DOCK4: variants seen among roughly 807,000 people sequenced by gnomAD.
The protein encoded by DOCK4 is dedicator of cytokinesis 4, also known as dedicator of cytokinesis protein 4.
A neutral mutation model predicts 268.1 loss-of-function variants in DOCK4; 97 were observed. That is an observed-to-expected ratio of 0.36 (90% CI 0.31 to 0.43). DOCK4 has a LOEUF of 0.43. DOCK4 is among the 20% of genes least tolerant of loss of function. The pLI is 1.00. For synonymous variants in DOCK4, 954 were observed against 887.2 expected (o/e 1.08, Z -1.34); for missense variants, 2,145 against 2,455.7 (o/e 0.87, Z 2.67).
chr7:111,872,116 A>T, intron 19 of DOCK4, 26 bp from the exon 20 acceptor site: 2 of 1,504,770 alleles, frequency 1.3e-6, no homozygotes, highest in Non-Finnish European at 8.9e-7. Flanking sequence ...TGAGCTTTAT[A>T]AAACTAAATG....
chr7:111,987,183 C>T (rs762612143), intron 6 of DOCK4, among the ~76,000 whole-genome samples: 1 of 152,148 alleles, frequency 6.6e-6, no homozygotes, highest in Non-Finnish European at 1.5e-5. Context: ...CAATGTTTTA[C>T]CAACTTATCA....
intron 1 of DOCK4, among the ~76,000 whole-genome samples, chr7:112,006,722 T>G (rs1278786795): frequency 1.3e-5 from 2 of 152,214 alleles, no homozygotes; most frequent in East Asian, 3.9e-4. Context: ...GGCATAGTAC[T>G]TACCAAAGAA....
chr7:112,164,946 A>C (rs1817460104), intron 1 of DOCK4, among the ~76,000 whole-genome samples: 2 of 152,182 alleles, frequency 1.3e-5, no homozygotes, highest in African/African-American at 4.8e-5. Context: ...TAAGGAGTAA[A>C]AATTTGTTAT....
chr7:111,847,211 T>A, intron 23 of DOCK4, 85 bp from the exon 24 acceptor site: 1 of 1,529,070 alleles, frequency 6.5e-7, no homozygotes, highest in South Asian at 1.3e-5. Flanking sequence ...TTTAATTCAA[T>A]TTTGGTTGCT....
chr7:111,983,256 A>C (rs1337954873), intron 7 of DOCK4, among the ~76,000 whole-genome samples: 1 of 152,170 alleles, frequency 6.6e-6, no homozygotes, highest in African/African-American at 2.4e-5. Flanking sequence ...ACTTACTGAA[A>C]TTTTCCTCCA....
chr7:112,181,639 CAAAAA>C (rs55807955), intron 1 of DOCK4, among the ~76,000 whole-genome samples: 3 of 65,368 alleles, frequency 4.6e-5, no homozygotes, highest in Admixed American at 2.1e-4. Context: ...GACACTGTCT[CAAAAA>C]AAAAAAAAAA....
rs753008219 is a variant in DOCK4 at position 111,977,276 on chromosome 7, T to C, written c.557A>G (p.His186Arg). ...CGGGGTGTCTTTCTTCCGATGTCGA[T>C]GTTCCATCTGAATGACACCCCCCAA... The part of the protein sequence containing the change: ...SITELYRLME[H>R]RHRKKDTPVQ... The change falls in exon 8 of 53, where the codon CAT becomes CGT. Residue 186 changes from histidine to arginine, a missense_variant. Physicochemically the swap from His to Arg is conservative, Grantham distance 29 (BLOSUM62 0). This residue lies in a region of DOCK4 where 1,598 missense variants were observed against 1,986.7 expected (regional missense o/e 0.80). Transcript: ENST00000428084. 20 of 1,595,110 alleles carry C rather than the reference T, an allele frequency of 1.3e-5. No homozygotes were observed. Among genetic ancestry groups the C allele is most frequent in the Non-Finnish European group, 1.4e-5 (16 of 1,170,410 alleles).
In DOCK4 at chr7:112,031,704, A is replaced by G. The variant is rs558310567; in HGVS notation, c.38-27573T>C. Among the ~76,000 whole-genome samples, 6 of 152,292 alleles carry G rather than the reference A, an allele frequency of 3.9e-5. No individual in the cohort carries two copies. The East Asian group carries it at 1.2e-3, about 29-fold the overall frequency. ...TATTTCATCACTTCAAGCCTCTTCA[A>G]ATTAATCTTATTGCCACGGGAAGAG... On this transcript the variant is annotated intron_variant, in intron 1 of 52. Coordinates refer to ENST00000428084, the MANE Select transcript of DOCK4 (RefSeq NM_001363540.2).
At chr7:111,863,347 A>G (rs374817258) in intron 23 of DOCK4, 25 bp downstream of exon 23, 20 of 1,613,684 alleles carry the variant, frequency 1.2e-5, no homozygotes, top group Admixed American at 5.0e-5. Flanking sequence ...CAGAGGCACA[A>G]TTTCCTCCAA....
chr7:111,989,583 T>C (rs1035720465), intron 5 of DOCK4, among the ~76,000 whole-genome samples: 2 of 152,206 alleles, frequency 1.3e-5, no homozygotes, highest in Non-Finnish European at 2.9e-5. Flanking sequence ...ATGGAAGACA[T>C]TGCTTTCCAA....
intron 30 of DOCK4, among the ~76,000 whole-genome samples, chr7:111,794,058 T>C (rs1461812573): frequency 1.3e-5 from 2 of 151,966 alleles, no homozygotes; most frequent in South Asian, 2.1e-4. Flanking sequence ...TGGGAGAGTG[T>C]GGAAGATGGG....
At chr7:112,146,048 T>A (rs1030515196) in intron 1 of DOCK4, among the ~76,000 whole-genome samples, 2 of 152,144 alleles carry the variant, frequency 1.3e-5, no homozygotes, top group South Asian at 2.1e-4. Context: ...GAAGTCCACA[T>A]AACGAAGCCA....
At chr7:111,840,326 C>T (rs1803579748) in intron 25 of DOCK4, among the ~76,000 whole-genome samples, 1 of 152,192 alleles carries the variant, frequency 6.6e-6, no homozygotes, top group Non-Finnish European at 1.5e-5. Flanking sequence ...CTGTCTTAGA[C>T]CTGGCCTATG....
chr7:111,995,435 G>GTGTGTT (rs1554406561), intron 4 of DOCK4, among the ~76,000 whole-genome samples: 5 of 95,390 alleles, frequency 5.2e-5, no homozygotes, highest in African/African-American at 2.0e-4. Context: ...GTGTGTGTGT[G>GTGTGTT]TGTGTGTGTG....
intron 1 of DOCK4, among the ~76,000 whole-genome samples, chr7:112,137,472 C>T (rs1563121816): frequency 6.6e-6 from 1 of 152,218 alleles, no homozygotes; most frequent in Admixed American, 6.5e-5. Flanking sequence ...CACAGGACAA[C>T]ATTTTTCCAT....
chr7:112,178,487 G>A (rs75428259), intron 1 of DOCK4, among the ~76,000 whole-genome samples: 2 of 152,158 alleles, frequency 1.3e-5, no homozygotes, highest in Admixed American at 6.5e-5. Flanking sequence ...CTACACCTTT[G>A]TCTCGGCTTC....
At chr7:111,865,196 T>C (rs193206945) in intron 22 of DOCK4, among the ~76,000 whole-genome samples, 177 of 152,340 alleles carry the variant, frequency 1.2e-3, no homozygotes, top group African/African-American at 4.0e-3. Flanking sequence ...GGTTAGCAGG[T>C]GTGTGTCCAT....
intron 32 of DOCK4, 38 bp downstream of exon 32, chr7:111,788,624 C>T: frequency 6.5e-7 from 1 of 1,528,022 alleles, no homozygotes; most frequent in Non-Finnish European, 8.9e-7. Flanking sequence ...ACCAAATCCC[C>T]CAGAATGGAA....
chr7:112,084,471 T>C (rs1186808260), intron 1 of DOCK4, among the ~76,000 whole-genome samples: 1 of 152,162 alleles, frequency 6.6e-6, no homozygotes, highest in Middle Eastern at 3.2e-3. Context: ...AAGTTGTGTG[T>C]CCAGCAAAAG....
Sources: gnomAD v4.1 joint callset for allele counts (sites outside exome capture counted in the v4.1 genomes callset) on GRCh38, gnomAD v4.1.1 for gene constraint, gnomAD v4.1.1 regional missense constraint, MANE v1.5 for transcripts, NCBI Gene and HGNC (gene_info 2026-07-23, HGNC 2026-07-21) for gene names.